The following MAGI2 variants were observed in gnomAD, a reference collection of about 807,000 sequenced individuals.
The protein encoded by MAGI2 is membrane-associated guanylate kinase, WW and PDZ domain-containing protein 2.
MAGI2 carries 35 observed loss-of-function variants against 133.3 expected under a neutral mutation model. The ratio of observed to expected loss-of-function variants is 0.26; its 90% CI spans 0.20 to 0.35. The LOEUF (loss-of-function observed/expected upper bound fraction) is 0.35, where lower values mean the gene tolerates loss of function less well. MAGI2 is among the 10% of genes least tolerant of loss of function. The pLI, the probability that MAGI2 is intolerant of heterozygous loss-of-function variation, is 1.00. For synonymous variants in MAGI2, 729 were observed against 710.6 expected (o/e 1.03, Z -0.41); for missense variants, 1,636 against 1,863.4 (o/e 0.88, Z 2.25).
At chr7:79,124,149 A>T (rs899508210) in intron 1 of MAGI2, among the ~76,000 whole-genome samples, 1 of 152,244 alleles carries the variant, frequency 6.6e-6, no homozygotes, top group Non-Finnish European at 1.5e-5. Context: ...TTATCTCTAA[A>T]GAAATTCTAA....
chr7:78,173,460 T>C (rs116045336), intron 14 of MAGI2, among the ~76,000 whole-genome samples: 5,882 of 152,308 alleles, frequency 0.039, 161 homozygotes, highest in Non-Finnish European at 0.059. Context: ...AATGGGGTGC[T>C]GGCTTCCCCC....
intron 3 of MAGI2, among the ~76,000 whole-genome samples, chr7:78,540,663 C>A (rs529610764): frequency 6.6e-6 from 1 of 152,100 alleles, no homozygotes; most frequent in Non-Finnish European, 1.5e-5. Flanking sequence ...TGAAAGTTTC[C>A]TTCTCTCTGT....
intron 3 of MAGI2, chr7:78,583,342 A>C (rs1043026364): frequency 1.1e-4 from 19 of 172,464 alleles, no homozygotes; most frequent in South Asian, 3.8e-4. Flanking sequence ...ACTAAAAATA[A>C]AAAAAATTAG....
intron 1 of MAGI2, among the ~76,000 whole-genome samples, chr7:79,291,902 T>A (rs1469285274): frequency 6.6e-6 from 1 of 152,154 alleles, no homozygotes; most frequent in Non-Finnish European, 1.5e-5. Context: ...ATAAAGCAAT[T>A]TTTTTTAATT....
At chr7:79,362,248 G>A (rs1020264784) in intron 1 of MAGI2, among the ~76,000 whole-genome samples, 5 of 152,014 alleles carry the variant, frequency 3.3e-5, no homozygotes, top group Non-Finnish European at 4.4e-5. Flanking sequence ...TATGAGCAAC[G>A]TTATGTTAAT....
At chr7:78,300,534 G>A (rs778596071) in intron 9 of MAGI2, among the ~76,000 whole-genome samples, 1 of 152,110 alleles carries the variant, frequency 6.6e-6, no homozygotes, top group Non-Finnish European at 1.5e-5. Context: ...AACAGCCCAC[G>A]GTGGCAATAG....
At chr7:78,182,720 T>C (rs1227538857) in intron 13 of MAGI2, among the ~76,000 whole-genome samples, 2 of 152,234 alleles carry the variant, frequency 1.3e-5, no homozygotes, top group Non-Finnish European at 1.5e-5. Context: ...GTGCCTTATT[T>C]GATATCGTTG....
chr7:79,090,560 T>C (rs1475133018), intron 1 of MAGI2, among the ~76,000 whole-genome samples: 1 of 152,130 alleles, frequency 6.6e-6, no homozygotes, highest in African/African-American at 2.4e-5. Context: ...CAAGGAAATC[T>C]GAATTCGTAG....
At position 78,608,104 on chromosome 7, in the gene MAGI2, T is replaced by G. The variant is rs112312960; in HGVS notation, c.538+19016A>C. On this transcript the variant is annotated intron_variant, in intron 3 of 21. Coordinates refer to ENST00000354212, the MANE Select transcript of MAGI2 (RefSeq NM_012301.4). ...CCGCTCAAGCCCAAGCATGGCCTTT[T>G]GATTTCTTAGGCTCAATGTAGATTC... 2.3e-3 allele frequency among the ~76,000 whole-genome samples: 349 copies of G among 152,338 alleles called. 3 individuals are homozygous for G. The highest frequency in any genetic ancestry group is 8.2e-3 in the African/African-American group (339 of 41,584).
chr7:79,042,396 C>A (rs1056553246), intron 1 of MAGI2, among the ~76,000 whole-genome samples: 9 of 151,984 alleles, frequency 5.9e-5, no homozygotes, highest in African/African-American at 2.2e-4. Context: ...TTTCTCTATC[C>A]CTTTACTTTG....
chr7:79,296,819 A>G (rs1009130723), intron 1 of MAGI2, among the ~76,000 whole-genome samples: 3 of 152,178 alleles, frequency 2.0e-5, no homozygotes, highest in African/African-American at 7.2e-5. Flanking sequence ...CTACTTCACA[A>G]TAGAATGACT....
intron 1 of MAGI2, among the ~76,000 whole-genome samples, chr7:79,431,764 T>A (rs992491085): frequency 3.3e-5 from 5 of 152,228 alleles, no homozygotes; most frequent in African/African-American, 1.2e-4. Flanking sequence ...TTGGGTACTA[T>A]AACTGTCTGT....
chr7:78,700,392 TA>T (rs36053624), intron 2 of MAGI2, among the ~76,000 whole-genome samples: 1 of 152,110 alleles, frequency 6.6e-6, no homozygotes, highest in Non-Finnish European at 1.5e-5. Flanking sequence ...AGACTCAAAT[TA>T]AAATGAATTT....
chr7:79,288,386 T>C (rs13222018), intron 1 of MAGI2, among the ~76,000 whole-genome samples: 92,788 of 152,064 alleles, frequency 0.61, 29,828 homozygotes, highest in Non-Finnish European at 0.7. Flanking sequence ...CTATATATTA[T>C]GAACATTTAT....
At chr7:78,808,664 A>G (rs1193228671) in intron 2 of MAGI2, among the ~76,000 whole-genome samples, 1 of 152,228 alleles carries the variant, frequency 6.6e-6, no homozygotes, top group Non-Finnish European at 1.5e-5. Flanking sequence ...AGCACAGCAC[A>G]AGGGATACAC....
At chr7:78,344,254 C>A (rs974817823) in intron 8 of MAGI2, among the ~76,000 whole-genome samples, 1 of 152,246 alleles carries the variant, frequency 6.6e-6, no homozygotes, top group South Asian at 2.1e-4. Flanking sequence ...TTAAAAAAGG[C>A]TGTGTCAACA....
intron 2 of MAGI2, chr7:79,006,605 G>T (rs1321001646): frequency 6.6e-6 from 1 of 152,274 alleles, no homozygotes; most frequent in African/African-American, 2.4e-5. Context: ...TCTAAGACTT[G>T]CAGAACACTC....
At chr7:78,596,811 T>C (rs1213030717) in intron 3 of MAGI2, among the ~76,000 whole-genome samples, 1 of 152,238 alleles carries the variant, frequency 6.6e-6, no homozygotes, top group Non-Finnish European at 1.5e-5. Flanking sequence ...CATCCTCATC[T>C]TGACCCAGTG....
At chr7:78,033,862 C>T (rs1809874637) in intron 21 of MAGI2, among the ~76,000 whole-genome samples, 1 of 152,094 alleles carries the variant, frequency 6.6e-6, no homozygotes, top group African/African-American at 2.4e-5. Flanking sequence ...TTGTGGAGAA[C>T]CCTGTGTGCC....
Sources: allele counts gnomAD v4.1 joint callset (sites outside exome capture counted in the v4.1 genomes callset), GRCh38; gene constraint gnomAD v4.1.1; transcripts MANE v1.5; gene names NCBI Gene and HGNC (gene_info 2026-07-23, HGNC 2026-07-21).